TAFA1: variants seen among roughly 807,000 people sequenced by gnomAD.
The protein encoded by TAFA1 is chemokine-like protein TAFA-1.
Under a neutral mutation model 18.5 loss-of-function variants are expected in TAFA1, and 4 were observed. The observed-to-expected ratio is 0.22, with a 90% CI of 0.11 to 0.49. The LOEUF (loss-of-function observed/expected upper bound fraction) is 0.49. Ranked by LOEUF, TAFA1 falls within the 20% of genes least tolerant of loss-of-function variation. The probability of loss-of-function intolerance (pLI) is 0.98; values close to 1 mark genes in which losing one functional copy is unlikely to be tolerated. For missense variants in TAFA1, 147 were observed against 169.0 expected (o/e 0.87, Z 0.72); for synonymous variants, 56 against 55.2 (o/e 1.01, Z -0.06).
At chr3:68,135,290 A>G (rs375835502) in intron 2 of TAFA1, among the ~76,000 whole-genome samples, 1 of 152,312 alleles carries the variant, frequency 6.6e-6, no homozygotes. Flanking sequence ...ATCAAACAAC[A>G]TCTACTGTAA....
At chr3:68,420,457 C>G (rs1370977357) in intron 3 of TAFA1, among the ~76,000 whole-genome samples, 1 of 152,106 alleles carries the variant, frequency 6.6e-6, no homozygotes, top group East Asian at 1.9e-4. Context: ...TGGGCTCAAG[C>G]AACCCTCCTG....
At chr3:68,280,102 G>C (rs1389626058) in intron 2 of TAFA1, among the ~76,000 whole-genome samples, 1 of 151,766 alleles carries the variant, frequency 6.6e-6, no homozygotes, top group African/African-American at 2.4e-5. Flanking sequence ...CTGCTGAATG[G>C]GGCTGTTCAC....
At chr3:68,204,365 G>GCC (rs919651873) in intron 2 of TAFA1, among the ~76,000 whole-genome samples, 1 of 151,704 alleles carries the variant, frequency 6.6e-6, no homozygotes, top group African/African-American at 2.4e-5. Context: ...TCATGGGAAA[G>GCC]CCCCCCACTT....
At chr3:68,332,238 A>G (rs2068890652) in intron 2 of TAFA1, among the ~76,000 whole-genome samples, 1 of 152,120 alleles carries the variant, frequency 6.6e-6, no homozygotes, top group Non-Finnish European at 1.5e-5. Flanking sequence ...AAAAAAAAGA[A>G]ATTGGATCCA....
chr3:68,132,467 T>C (rs985085210), intron 2 of TAFA1, among the ~76,000 whole-genome samples: 1 of 152,176 alleles, frequency 6.6e-6, no homozygotes, highest in Non-Finnish European at 1.5e-5. Context: ...TCTTCCACAA[T>C]GGTTGAACTA....
rs143941997 is a variant in TAFA1 at position 68,423,403 on chromosome 3, G to C, written c.259+5983G>C. 3.5e-3 allele frequency among the ~76,000 whole-genome samples: 526 copies of C among 152,180 alleles called. 5 individuals are homozygous for C. The highest frequency in any genetic ancestry group is 0.012 in the African/African-American group (506 of 41,546). On this transcript the variant is annotated intron_variant, in intron 3 of 4. Coordinates refer to ENST00000478136, the MANE Select transcript of TAFA1 (RefSeq NM_213609.4). ...ATGGCATAGCCAGAAGGTCAGCCTGGGCTGTCTTCAGGGCTCATCATTCAT... is the reference window on the plus strand; with the variant it reads ...ATGGCATAGCCAGAAGGTCAGCCTGCGCTGTCTTCAGGGCTCATCATTCAT...
intron 3 of TAFA1, among the ~76,000 whole-genome samples, chr3:68,471,544 G>T (rs929579518): frequency 6.6e-6 from 1 of 152,176 alleles, no homozygotes; most frequent in African/African-American, 2.4e-5. Context: ...TGAGAACTTG[G>T]AGTCCGACGT....
At chr3:68,542,059 T>C (rs1346894332) in intron 4 of TAFA1, among the ~76,000 whole-genome samples, 3 of 152,116 alleles carry the variant, frequency 2.0e-5, no homozygotes, top group Admixed American at 1.3e-4. Context: ...CTGAGTGATA[T>C]TATTACCCCA....
the TAFA1 span, among the ~76,000 whole-genome samples, chr3:67,999,174 T>C: frequency 6.6e-6 from 1 of 152,112 alleles, no homozygotes; most frequent in Non-Finnish European, 1.5e-5. Flanking sequence ...ATGTCAATAG[T>C]GGCTACCATA....
At chr3:68,344,118 C>T (rs1440829538) in intron 2 of TAFA1, among the ~76,000 whole-genome samples, 1 of 152,188 alleles carries the variant, frequency 6.6e-6, no homozygotes, top group East Asian at 1.9e-4. Context: ...GCTGGGATTA[C>T]AGGCGTGGGC....
At chr3:68,440,886 A>C (rs978868175) in intron 3 of TAFA1, among the ~76,000 whole-genome samples, 1 of 152,146 alleles carries the variant, frequency 6.6e-6, no homozygotes, top group African/African-American at 2.4e-5. Flanking sequence ...GAGGAGCCCA[A>C]AGTGTCCAGG....
intron 2 of TAFA1, among the ~76,000 whole-genome samples, chr3:68,045,681 C>CTT (rs1257884028): frequency 6.6e-6 from 1 of 152,074 alleles, no homozygotes; most frequent in African/African-American, 2.4e-5. Flanking sequence ...CGGTTCTGAG[C>CTT]TTGATTGATT....
At chr3:68,167,677 T>G (rs1311838571) in intron 2 of TAFA1, among the ~76,000 whole-genome samples, 1 of 151,914 alleles carries the variant, frequency 6.6e-6, no homozygotes, top group Non-Finnish European at 1.5e-5. Flanking sequence ...TCTGCATTTT[T>G]AAGGAATCTG....
intron 2 of TAFA1, among the ~76,000 whole-genome samples, chr3:68,110,672 TA>T (rs1286083096): frequency 1.3e-5 from 2 of 152,156 alleles, no homozygotes; most frequent in African/African-American, 2.4e-5. Context: ...CATCATGCAT[TA>T]AGAATGTATT....
At chr3:68,214,932 T>C (rs1218612905) in intron 2 of TAFA1, among the ~76,000 whole-genome samples, 1 of 152,030 alleles carries the variant, frequency 6.6e-6, no homozygotes, top group Non-Finnish European at 1.5e-5. Context: ...AGTGTCTTAA[T>C]AAGAAAGAAA....
chr3:68,218,720 A>G (rs1441009330), intron 2 of TAFA1, among the ~76,000 whole-genome samples: 1 of 152,172 alleles, frequency 6.6e-6, no homozygotes. Context: ...TTTCTGCTTA[A>G]TTAACCTGAG....
chr3:68,266,891 A>G (rs2107216120), intron 2 of TAFA1, among the ~76,000 whole-genome samples: 1 of 152,262 alleles, frequency 6.6e-6, no homozygotes, highest in Middle Eastern at 3.4e-3. Flanking sequence ...GTCCTGCCTG[A>G]CTAGTCTTTA....
At chr3:68,503,222 A>C (rs545535418) in intron 3 of TAFA1, among the ~76,000 whole-genome samples, 1 of 152,150 alleles carries the variant, frequency 6.6e-6, no homozygotes, top group Non-Finnish European at 1.5e-5. Context: ...GGCTGTGTAT[A>C]AGGTGCACAT....
At chr3:68,229,329 A>G (rs2066842296) in intron 2 of TAFA1, among the ~76,000 whole-genome samples, 1 of 152,210 alleles carries the variant, frequency 6.6e-6, no homozygotes, top group Non-Finnish European at 1.5e-5. Flanking sequence ...ACAAATCCTT[A>G]TATGCTAGGT....
Sources: gnomAD v4.1 joint callset for allele counts (sites outside exome capture counted in the v4.1 genomes callset) on GRCh38, gnomAD v4.1.1 for gene constraint, MANE v1.5 for transcripts, NCBI Gene and HGNC (gene_info 2026-07-23, HGNC 2026-07-21) for gene names.